The following LMLN variants were observed in gnomAD, a reference collection of about 807,000 sequenced individuals.
LMLN encodes the protein leishmanolysin like peptidase, also known as leishmanolysin-like peptidase.
A neutral mutation model predicts 92.3 loss-of-function variants in LMLN; 70 were observed. The observed-to-expected ratio is 0.76, with a 90% CI of 0.63 to 0.92. The LOEUF is 0.92. Ranked by LOEUF, LMLN falls within the 40% of genes least tolerant of loss-of-function variation. The pLI, the probability that LMLN is intolerant of heterozygous loss-of-function variation, is 0.00. For missense variants in LMLN, 691 were observed against 814.6 expected (o/e 0.85, Z 1.85); for synonymous variants, 308 against 296.2 (o/e 1.04, Z -0.41).
chr3:197,984,382 AAGATTTATAAAGCT>A (rs1721640413), intron 7 of LMLN, among the ~76,000 whole-genome samples: 1 of 152,022 alleles, frequency 6.6e-6, no homozygotes, highest in African/African-American at 2.4e-5. Flanking sequence ...AACAAACAGA[AAGATTTATAAAGCT>A]TTTTCCTCTT....
intron 14 of LMLN, among the ~76,000 whole-genome samples, chr3:198,029,735 T>C (rs1723028298): frequency 4.6e-5 from 7 of 152,206 alleles, no homozygotes; most frequent in Admixed American, 6.5e-5. Context: ...ACTTCCCTAA[T>C]GTTTATTACT....
At chr3:198,008,524 A>G (rs1722353357) in intron 11 of LMLN, among the ~76,000 whole-genome samples, 1 of 152,186 alleles carries the variant, frequency 6.6e-6, no homozygotes, top group African/African-American at 2.4e-5. Flanking sequence ...CCAGGAGTTC[A>G]AGACTAGCCT....
chr3:197,960,565 T>G, intron 1 of LMLN, 125 bp downstream of exon 1: 1 of 787,842 alleles, frequency 1.3e-6, no homozygotes, highest in Non-Finnish European at 2.0e-6. Context: ...AGAGCCTGAC[T>G]CTTACAGGCC....
At chr3:198,000,565 C>A (rs923593546) in intron 11 of LMLN, among the ~76,000 whole-genome samples, 1 of 152,110 alleles carries the variant, frequency 6.6e-6, no homozygotes, top group African/African-American at 2.4e-5. Context: ...GTAGCTGGGA[C>A]TACAGGCGTG....
In LMLN at chr3:198,042,730, TC is replaced by T. The variant is rs1000639839; in HGVS notation, c.*4064del. On this transcript the variant is annotated 3_prime_UTR_variant, in exon 16 of 16. Coordinates refer to ENST00000330198, the Ensembl canonical transcript of LMLN. This position sits in a 1 kb window ranked among gnomAD's most constrained non-coding sequence, Gnocchi z 4.2. ...CTGTTCAGACTTAGGCTCATTTTGA[TC>T]ATTTTAAGGTCCCAGTTGTCAAAAA... 4.6e-5 allele frequency: 7 copies of T among 152,180 alleles called. No homozygotes were observed. The highest frequency in any genetic ancestry group is 3.9e-4 in the Admixed American group (6 of 15,284). 9.4% of individuals were successfully genotyped at this position (152,180 alleles called of 1,614,324 possible).
chr3:198,009,419 G>GA (rs567705819), intron 11 of LMLN, among the ~76,000 whole-genome samples: 1 of 152,006 alleles, frequency 6.6e-6, no homozygotes, highest in East Asian at 1.9e-4. Flanking sequence ...TCTTTGAAAA[G>GA]AAAAAAGTTC....
In LMLN at chr3:197,991,331, C is replaced by T. The variant is rs534658280; in HGVS notation, c.1047+655C>T. ...ATGTTGCCCAGGCTGGTCTCGATCT[C>T]CTGGGCTCAAGCAGTCCTCCTGCCT... On this transcript the variant is annotated intron_variant, in intron 9 of 15. Coordinates refer to ENST00000330198, the Ensembl canonical transcript of LMLN. Among the ~76,000 whole-genome samples the T allele has an allele frequency of 6.6e-5, 10 of 151,992 alleles. No homozygotes were observed. In the South Asian group the frequency reaches 2.1e-3, roughly 32 times the overall value.
At chr3:198,003,677 A>C (rs13318879) in intron 11 of LMLN, among the ~76,000 whole-genome samples, 3,842 of 102,450 alleles carry the variant, frequency 0.038, 71 homozygotes, top group African/African-American at 0.1. Flanking sequence ...AGTAAGTTTG[A>C]CATCTATCTA....
At chr3:197,966,393 A>G (rs1721061877) in intron 1 of LMLN, among the ~76,000 whole-genome samples, 1 of 152,222 alleles carries the variant, frequency 6.6e-6, no homozygotes, top group Non-Finnish European at 1.5e-5. Context: ...ATGATGTTGA[A>G]TAAGAGTGGT....
At chr3:198,028,290 A>G (rs373431685) in intron 14 of LMLN, among the ~76,000 whole-genome samples, 4 of 152,156 alleles carry the variant, frequency 2.6e-5, no homozygotes, top group Non-Finnish European at 4.4e-5. Flanking sequence ...TCCGAAGTCC[A>G]TGTTCACATT....
chr3:198,034,636 A>G (rs1200098441), intron 14 of LMLN, among the ~76,000 whole-genome samples: 1 of 152,184 alleles, frequency 6.6e-6, no homozygotes, highest in East Asian at 1.9e-4. Context: ...TTAAAATTTT[A>G]AAAAATTACT....
chr3:197,964,081 G>A (rs1326755989), intron 1 of LMLN, among the ~76,000 whole-genome samples: 1 of 152,130 alleles, frequency 6.6e-6, no homozygotes, highest in Non-Finnish European at 1.5e-5. Flanking sequence ...AGATTACATT[G>A]CATTTTCCAA....
intron 6 of LMLN, among the ~76,000 whole-genome samples, chr3:197,983,223 A>G (rs746792861): frequency 3.3e-5 from 5 of 152,164 alleles, no homozygotes; most frequent in Non-Finnish European, 4.4e-5. Context: ...TGGTGTTTCT[A>G]TGTAAGATGT....
intron 11 of LMLN, among the ~76,000 whole-genome samples, chr3:198,017,242 T>A (rs1160656259): frequency 6.6e-6 from 1 of 152,158 alleles, no homozygotes; most frequent in Non-Finnish European, 1.5e-5. Flanking sequence ...AAATTCAGAA[T>A]CATTTACAGG....
chr3:198,038,573 G>T (rs1429259175), exon 16 of LMLN: 13 of 1,612,864 alleles, frequency 8.1e-6, no homozygotes, highest in Admixed American at 1.7e-5. Context: ...CTAGATCTTT[G>T]TTCCTGTTCC....
At chr3:197,996,869 TC>T (rs1722034068) in intron 10 of LMLN, among the ~76,000 whole-genome samples, 1 of 152,140 alleles carries the variant, frequency 6.6e-6, no homozygotes, top group Admixed American at 6.6e-5. Flanking sequence ...AGCCTCGAAT[TC>T]TTTTGGGCTC....
chr3:197,979,453 G>C (rs529391794), intron 5 of LMLN, among the ~76,000 whole-genome samples: 2 of 152,114 alleles, frequency 1.3e-5, no homozygotes, highest in African/African-American at 4.8e-5. Flanking sequence ...GGCCAAGATG[G>C]GGGTATTGCT....
chr3:197,983,520 C>T (rs573291053), intron 6 of LMLN, among the ~76,000 whole-genome samples: 4 of 152,244 alleles, frequency 2.6e-5, no homozygotes, highest in South Asian at 2.1e-4. Context: ...GAAGGGCCAG[C>T]GACTTTCAGC....
intron 1 of LMLN, among the ~76,000 whole-genome samples, chr3:197,970,181 TA>T (rs916165470): frequency 2.6e-5 from 4 of 151,612 alleles, no homozygotes; most frequent in Non-Finnish European, 4.4e-5. Flanking sequence ...ATAAAATAAA[TA>T]AAAAAAATAA....
Sources: allele counts gnomAD v4.1 joint callset (sites outside exome capture counted in the v4.1 genomes callset), GRCh38; gene constraint gnomAD v4.1.1; non-coding constraint Gnocchi (gnomAD v3.1); transcripts MANE v1.5; gene names NCBI Gene and HGNC (gene_info 2026-07-23, HGNC 2026-07-21).